The following SNX29 variants were observed in gnomAD, a reference collection of about 807,000 sequenced individuals.
The protein encoded by SNX29 is sorting nexin 29, also known as sorting nexin-29.
SNX29 carries 78 observed loss-of-function variants against 102.1 expected under a neutral mutation model. That is an observed-to-expected ratio of 0.76 (90% CI 0.64 to 0.92). The LOEUF (loss-of-function observed/expected upper bound fraction) is 0.92, where lower values mean the gene tolerates loss of function less well. Among genes scored for constraint, SNX29 ranks in the 40% least tolerant of loss-of-function variants. The pLI is 0.00. For synonymous variants in SNX29, 580 were observed against 414.5 expected, an observed-to-expected ratio of 1.40 and a Z score of -4.85; for missense variants, 1,280 against 1,061.7, an observed-to-expected ratio of 1.21 and a Z score of -2.86.
At chr16:12,268,714 A>T (rs1451121700) in intron 14 of SNX29, among the ~76,000 whole-genome samples, 1 of 152,152 alleles carries the variant, frequency 6.6e-6, no homozygotes, top group Non-Finnish European at 1.5e-5. Context: ...ATTTAAAATG[A>T]TTCTTTATTT....
chr16:12,077,063 C>A (rs117174980), intron 10 of SNX29, among the ~76,000 whole-genome samples: 331 of 152,174 alleles, frequency 2.2e-3, no homozygotes, highest in African/African-American at 7.8e-3. Flanking sequence ...TACTTGAGGC[C>A]GGGAGTTCAA....
Position 12,078,831 on chromosome 16 carries a change from A to G in SNX29, c.1320-2A>G. 2 of 1,597,888 alleles carry G rather than the reference A, an allele frequency of 1.3e-6. No homozygotes were observed. Among genetic ancestry groups the G allele is most frequent in the Non-Finnish European group, 1.7e-6 (2 of 1,172,340 alleles). On this transcript the variant is annotated splice_acceptor_variant, in intron 10 of 20. Coordinates refer to ENST00000566228, the MANE Select transcript of SNX29 (RefSeq NM_032167.5). LOFTEE classifies it high-confidence loss of function. ...AACTTCCTCCTGCCTGCTTTTTCCT[A>G]GTGTGGAAGCCAGCTCTCCAGGCCA... is the stretch of plus-strand genomic sequence containing the variant.
chr16:12,530,757 T>G (rs2076910120), intron 20 of SNX29, among the ~76,000 whole-genome samples: 1 of 152,172 alleles, frequency 6.6e-6, no homozygotes, highest in Non-Finnish European at 1.5e-5. Flanking sequence ...GGTTTCTTCA[T>G]GTTGGCCAGG....
intron 20 of SNX29, among the ~76,000 whole-genome samples, chr16:12,552,602 G>T (rs905967167): frequency 6.6e-6 from 1 of 152,166 alleles, no homozygotes; most frequent in Non-Finnish European, 1.5e-5. Context: ...ATTCTCATGG[G>T]GATGACTAAA....
intron 1 of SNX29, 60 bp from the exon 2 acceptor site, chr16:11,999,237 A>T (rs1292377497): frequency 1.3e-6 from 2 of 1,496,744 alleles, no homozygotes; most frequent in African/African-American, 2.8e-5. Context: ...GGACTGATCT[A>T]GTTGGGGACA....
chr16:12,467,527 G>A (rs1435663424), intron 18 of SNX29, among the ~76,000 whole-genome samples: 1 of 152,160 alleles, frequency 6.6e-6, no homozygotes, highest in Non-Finnish European at 1.5e-5. Context: ...CTGTCAGTAA[G>A]ACACTCCCTG....
chr16:12,003,118 G>A (rs1391229992), intron 3 of SNX29, 75 bp downstream of exon 3: 13 of 1,581,056 alleles, frequency 8.2e-6, no homozygotes, highest in Middle Eastern at 1.9e-4. Context: ...TTCTAAAACC[G>A]TTGACCATCG....
chr16:12,238,457 C>G lies in SNX29; in HGVS notation c.1678+38774C>G, dbSNP rs141997138. On this transcript the variant is annotated intron_variant, in intron 14 of 20. Transcript: ENST00000566228. ...TCTCCCGCATCAGCCTCCCGAGTAG[C>G]TGGGATTACAGCCACGTGCCACCAT... is the stretch of plus-strand genomic sequence containing the variant. Among the ~76,000 whole-genome samples the G allele has an allele frequency of 3.7e-3, 557 of 152,266 alleles. 3 individuals are homozygous for G. The highest frequency in any genetic ancestry group is 0.013 in the African/African-American group (532 of 41,544).
intron 14 of SNX29, among the ~76,000 whole-genome samples, chr16:12,271,746 C>T (rs1307881873): frequency 6.6e-6 from 1 of 152,034 alleles, no homozygotes; most frequent in Non-Finnish European, 1.5e-5. Flanking sequence ...CCTAAGCCTC[C>T]TGAGTAGCTG....
At chr16:12,365,691 C>CA (rs570712989) in intron 16 of SNX29, among the ~76,000 whole-genome samples, 7,981 of 129,338 alleles carry the variant, frequency 0.062, 344 homozygotes, top group African/African-American at 0.12. Flanking sequence ...ACTCCATCTC[C>CA]AAAAAAAAAA....
chr16:12,455,977 G>A (rs1052363488), intron 18 of SNX29, among the ~76,000 whole-genome samples: 1 of 152,138 alleles, frequency 6.6e-6, no homozygotes, highest in Non-Finnish European at 1.5e-5. Context: ...TGCCCTCAAG[G>A]AATTCATTGC....
At chr16:12,253,921 G>A (rs2078493457) in intron 14 of SNX29, among the ~76,000 whole-genome samples, 3 of 152,130 alleles carry the variant, frequency 2.0e-5, no homozygotes, top group Admixed American at 2.0e-4. Flanking sequence ...AGTTGGGGAA[G>A]TGAGAATGGT....
At chr16:12,524,865 G>C in intron 20 of SNX29, 24 bp downstream of exon 20, 1 of 1,601,374 alleles carries the variant, frequency 6.2e-7, no homozygotes, top group Non-Finnish European at 8.5e-7. Context: ...CCACGGACAT[G>C]GGCCGCCAGC....
At chr16:12,450,576 C>G (rs940089078) in intron 18 of SNX29, among the ~76,000 whole-genome samples, 1 of 152,206 alleles carries the variant, frequency 6.6e-6, no homozygotes, top group Non-Finnish European at 1.5e-5. Context: ...AGGCTCTGTC[C>G]AGCACACACG....
intron 18 of SNX29, among the ~76,000 whole-genome samples, chr16:12,466,535 C>A (rs969256292): frequency 6.6e-6 from 1 of 152,204 alleles, no homozygotes; most frequent in East Asian, 1.9e-4. Context: ...TGTGGCACCC[C>A]CCCTTCCAGA....
intron 20 of SNX29, among the ~76,000 whole-genome samples, chr16:12,535,067 A>G (rs1003646780): frequency 2.6e-5 from 4 of 152,346 alleles, no homozygotes; most frequent in African/African-American, 9.6e-5. Flanking sequence ...GGGACTCCAC[A>G]GTCAAGAAAA....
chr16:12,398,655 C>T (rs1455778452), intron 17 of SNX29, among the ~76,000 whole-genome samples, 154 bp downstream of exon 17: 2 of 152,046 alleles, frequency 1.3e-5, no homozygotes, highest in African/African-American at 2.4e-5. Context: ...AGTCGCTCTC[C>T]TACAGCCTCA....
intron 16 of SNX29, among the ~76,000 whole-genome samples, chr16:12,390,424 C>CTA (rs2083488671): frequency 6.6e-6 from 1 of 152,142 alleles, no homozygotes; most frequent in Non-Finnish European, 1.5e-5. Flanking sequence ...CCTTAACTGT[C>CTA]TAATGAATTG....
At chr16:12,556,754 C>CG (rs2078377239) in intron 20 of SNX29, among the ~76,000 whole-genome samples, 1 of 151,976 alleles carries the variant, frequency 6.6e-6, no homozygotes, top group African/African-American at 2.4e-5. Context: ...AAAATTAAGG[C>CG]ACCCCCAGAG....
Sources: allele counts gnomAD v4.1 joint callset (sites outside exome capture counted in the v4.1 genomes callset), GRCh38; gene constraint gnomAD v4.1.1; transcripts MANE v1.5; gene names NCBI Gene and HGNC (gene_info 2026-07-23, HGNC 2026-07-21).